TENM3: variants seen among roughly 807,000 people sequenced by gnomAD.
TENM3 encodes teneurin transmembrane protein 3, also known as teneurin-3.
In TENM3, 63 loss-of-function variants were observed where a neutral mutation model predicts 255.1. The observed-to-expected ratio is 0.25, with a 90% confidence interval of 0.20 to 0.30. The LOEUF (loss-of-function observed/expected upper bound fraction) is 0.30, where lower values mean the gene tolerates loss of function less well. Ranked by LOEUF, TENM3 falls within the 10% of genes least tolerant of loss-of-function variation. The pLI is 1.00. For synonymous variants in TENM3, 1,306 were observed against 1,322.3 expected (o/e 0.99, Z 0.27); for missense variants, 2,929 against 3,461.1 (o/e 0.85, Z 3.86).
chr4:181,822,891 C>T, the TENM3 span, among the ~76,000 whole-genome samples: 3 of 152,040 alleles, frequency 2.0e-5, no homozygotes, highest in Non-Finnish European at 2.9e-5. Flanking sequence ...AAAAATATTA[C>T]CCCAGATCCT....
the TENM3 span, among the ~76,000 whole-genome samples, chr4:181,619,152 G>A: frequency 6.6e-6 from 1 of 152,110 alleles, no homozygotes; most frequent in Non-Finnish European, 1.5e-5. Flanking sequence ...CTGTCCCTCT[G>A]CTAAGGCACA....
intron 3 of TENM3, among the ~76,000 whole-genome samples, chr4:182,360,572 T>C (rs2150773361): frequency 6.6e-6 from 1 of 152,308 alleles, no homozygotes; most frequent in Non-Finnish European, 1.5e-5. Flanking sequence ...TCCATTTGCT[T>C]GGTAGGTCTT....
At chr4:181,512,998 A>T in the TENM3 span, among the ~76,000 whole-genome samples, 2 of 152,214 alleles carry the variant, frequency 1.3e-5, no homozygotes, top group Non-Finnish European at 1.5e-5. Context: ...ACAAATGGGC[A>T]AGGGTATTTG....
intron 3 of TENM3, among the ~76,000 whole-genome samples, chr4:182,445,237 A>G (rs991000509): frequency 2.6e-5 from 4 of 152,246 alleles, no homozygotes; most frequent in African/African-American, 9.6e-5. Flanking sequence ...ATGTGGGCAC[A>G]TGATTAACTT....
In TENM3 at chr4:182,159,030, C is replaced by T. The variant is rs1334008652; in HGVS notation, c.-76+14276C>T. Among the ~76,000 whole-genome samples the T allele has an allele frequency of 3.3e-5, 5 of 152,320 alleles. No individual in the cohort carries two copies. The South Asian group carries it at 6.2e-4, about 19-fold the overall frequency. On this transcript the variant is annotated intron_variant, in intron 1 of 2. Transcript: ENST00000512480. ...CCCTCAAATCCCATTCTATCACTTA[C>T]GTGCTGTGTGATCTAGGGCAAAGCT...
chr4:182,777,397 G>T (rs1764756986), intron 24 of TENM3, among the ~76,000 whole-genome samples: 1 of 151,928 alleles, frequency 6.6e-6, no homozygotes, highest in African/African-American at 2.4e-5. Flanking sequence ...CAAGAGAGGG[G>T]CTATGTGAAC....
the TENM3 span, among the ~76,000 whole-genome samples, chr4:181,677,193 T>G: frequency 6.6e-6 from 1 of 152,080 alleles, no homozygotes; most frequent in Non-Finnish European, 1.5e-5. Context: ...GATTCACAAA[T>G]TTTATCTCCA....
intron 1 of TENM3, among the ~76,000 whole-genome samples, chr4:182,309,057 C>T (rs1231214647): frequency 6.6e-6 from 1 of 152,164 alleles, no homozygotes; most frequent in Non-Finnish European, 1.5e-5. Flanking sequence ...CAGAGACTTT[C>T]CTCAGTTCTT....
At chr4:182,058,039 T>C in the TENM3 span, among the ~76,000 whole-genome samples, 1 of 151,954 alleles carries the variant, frequency 6.6e-6, no homozygotes, top group South Asian at 2.1e-4. Context: ...ATGGCATATA[T>C]AGTAAAGTCA....
In TENM3 at chr4:182,516,977, G is replaced by C. The variant is rs1375843961; in HGVS notation, c.512-83947G>C. On this transcript the variant is annotated intron_variant, in intron 3 of 27. Transcript: ENST00000511685. ...GTTTTCTCTGGGGTACATCCTCTTT[G>C]GAGTAGGAAGAATGAGTGTATTTCA... 5.9e-5 allele frequency among the ~76,000 whole-genome samples: 9 copies of C among 151,874 alleles called. No individual in the cohort carries two copies. In the East Asian group the frequency reaches 1.7e-3, roughly 29 times the overall value.
the TENM3 span, among the ~76,000 whole-genome samples, chr4:181,569,430 A>G: frequency 1.3e-5 from 2 of 152,200 alleles, no homozygotes; most frequent in Non-Finnish European, 2.9e-5. Flanking sequence ...TTTTATTTCC[A>G]TAAGTGGATA....
the TENM3 span, among the ~76,000 whole-genome samples, chr4:181,520,757 A>G: frequency 6.6e-6 from 1 of 152,156 alleles, no homozygotes; most frequent in African/African-American, 2.4e-5. Flanking sequence ...GATATGGATA[A>G]TATCAGGCAC....
chr4:182,653,582 C>T (rs1029044217), intron 5 of TENM3, among the ~76,000 whole-genome samples, 189 bp from the exon 6 acceptor site: 1 of 152,184 alleles, frequency 6.6e-6, no homozygotes, highest in Non-Finnish European at 1.5e-5. Flanking sequence ...TATTGCCCTG[C>T]ATTGCTATGT....
the TENM3 span, among the ~76,000 whole-genome samples, chr4:181,857,773 A>AT: frequency 2.6e-5 from 4 of 151,582 alleles, no homozygotes; most frequent in Non-Finnish European, 5.9e-5. Flanking sequence ...CAAAAAAAAA[A>AT]GAGAGAGAGA....
intron 11 of TENM3, among the ~76,000 whole-genome samples, chr4:182,683,433 G>A (rs1344351141): frequency 3.3e-5 from 5 of 152,084 alleles, no homozygotes; most frequent in African/African-American, 1.2e-4. Flanking sequence ...TTCAGATTTT[G>A]TATTTTCAGA....
the TENM3 span, among the ~76,000 whole-genome samples, chr4:181,755,625 A>C: frequency 6.6e-6 from 1 of 152,166 alleles, no homozygotes; most frequent in Admixed American, 6.6e-5. Flanking sequence ...GGCCAAAATT[A>C]AGCAACTTTT....
chr4:182,169,285 C>A (rs1031193275), intron 1 of TENM3: 2 of 479,808 alleles, frequency 4.2e-6, no homozygotes, highest in Non-Finnish European at 8.7e-6. Context: ...TGGGGTATAG[C>A]ATTTCAGAAG....
At chr4:181,497,716 G>A in the TENM3 span, among the ~76,000 whole-genome samples, 22 of 152,218 alleles carry the variant, frequency 1.4e-4, no homozygotes, top group Non-Finnish European at 2.8e-4. Flanking sequence ...AGAAATAGCA[G>A]ATTGATTTGC....
chr4:181,641,804 C>CCATA, the TENM3 span, among the ~76,000 whole-genome samples: 19 of 37,414 alleles, frequency 5.1e-4, no homozygotes, highest in African/African-American at 2.3e-3. Flanking sequence ...TACACACACA[C>CCATA]CATATATATA....
Sources: gnomAD v4.1 joint callset for allele counts (sites outside exome capture counted in the v4.1 genomes callset) on GRCh38, gnomAD v4.1.1 for gene constraint, MANE v1.5 for transcripts, NCBI Gene and HGNC (gene_info 2026-07-23, HGNC 2026-07-21) for gene names.